Variants in DNM1L observed in about 807,000 individuals in gnomAD.
DNM1L encodes dynamin 1L.
DNM1L carries 33 observed loss-of-function variants against 92.8 expected under a neutral mutation model. The observed-to-expected ratio is 0.36, with a 90% CI of 0.27 to 0.48. DNM1L has a LOEUF of 0.48. Among genes scored for constraint, DNM1L ranks in the 20% least tolerant of loss-of-function variants. The pLI is 0.99. For synonymous variants in DNM1L, 284 were observed against 305.0 expected (o/e 0.93, Z 0.72); for missense variants, 485 against 888.8 (o/e 0.55, Z 5.78).
At chr12:32,711,770 A>G (rs1317801454) in intron 5 of DNM1L, among the ~76,000 whole-genome samples, 1 of 152,076 alleles carries the variant, frequency 6.6e-6, no homozygotes, top group Non-Finnish European at 1.5e-5. Context: ...TGGTGCACAC[A>G]TGTAGTCCCA....
At chr12:32,718,491 G>C in intron 6 of DNM1L, 152 bp from the exon 7 acceptor site, 1 of 945,142 alleles carries the variant, frequency 1.1e-6, no homozygotes, top group Non-Finnish European at 1.6e-6. Context: ...TTTTAAAAAA[G>C]CACTGGTAAG....
chr12:32,708,402 A>G lies in DNM1L; in HGVS notation c.369+178A>G, dbSNP rs192891668. 4.6e-5 allele frequency among the ~76,000 whole-genome samples: 7 copies of G among 152,352 alleles called. No individual in the cohort carries two copies. In the East Asian group the frequency reaches 1.3e-3, roughly 29 times the overall value. On this transcript the variant is annotated intron_variant, in intron 4 of 19. Coordinates refer to ENST00000549701, the MANE Select transcript of DNM1L (RefSeq NM_012062.5). Reference sequence around the variant, plus strand: ...TTTGAAACAAATGGAGTATTTTCACAGATATATAGAACTTTGCTTAAAATC... The same window carrying G: ...TTTGAAACAAATGGAGTATTTTCACGGATATATAGAACTTTGCTTAAAATC...
At chr12:32,684,612 GCGTGCTACCGCA>G (rs1347179109) in intron 1 of DNM1L, among the ~76,000 whole-genome samples, 1 of 152,082 alleles carries the variant, frequency 6.6e-6, no homozygotes, top group Non-Finnish European at 1.5e-5. Context: ...GATTACAGGC[GCGTGCTACCGCA>G]CCCAGCTAAT....
intron 14 of DNM1L, chr12:32,737,497 G>A: frequency 2.7e-6 from 1 of 375,746 alleles, no homozygotes; most frequent in Non-Finnish European, 4.9e-6. Flanking sequence ...AGGGTTTCTT[G>A]GAAAAAACAG....
At chr12:32,726,758 T>G (rs1388873183) in intron 9 of DNM1L, 9 of 616,932 alleles carry the variant, frequency 1.5e-5, no homozygotes, top group Non-Finnish European at 2.4e-5. Context: ...TGACATTCTT[T>G]CCTTTTTTCC....
intron 1 of DNM1L, among the ~76,000 whole-genome samples, chr12:32,682,645 A>T (rs529136238): frequency 6.6e-6 from 1 of 152,318 alleles, no homozygotes; most frequent in African/African-American, 2.4e-5. Flanking sequence ...GCATACTACC[A>T]TCCAGTACCA....
At chr12:32,711,746 T>C (rs1953133138) in intron 5 of DNM1L, among the ~76,000 whole-genome samples, 1 of 151,948 alleles carries the variant, frequency 6.6e-6, no homozygotes, top group Admixed American at 6.6e-5. Context: ...AATACAAAAA[T>C]TAGTCGGGCA....
At chr12:32,722,704 C>A in intron 9 of DNM1L, 71 bp downstream of exon 9, 1 of 1,152,726 alleles carries the variant, frequency 8.7e-7, no homozygotes, top group Non-Finnish European at 1.3e-6. Flanking sequence ...GTGAAGATGA[C>A]TTCAGCTCAG....
Position 32,731,814 on chromosome 12 carries a change from C to A in DNM1L, c.1357-40C>A, listed in dbSNP as rs1024115576. The stretch of plus-strand genomic sequence containing the variant: ...GTGAGACTATGACTTAAAAAAAAAA[C>A]AAAAAACAAACACGTTTTTCTTTCA... On this transcript the variant is annotated intron_variant, in intron 11 of 19. Transcript: ENST00000549701. This position sits in a 1 kb window ranked among gnomAD's most constrained non-coding sequence, Gnocchi z 5.1. 70 of 1,513,212 alleles carry A rather than the reference C, an allele frequency of 4.6e-5. No individual in the cohort carries two copies. The highest frequency in any genetic ancestry group is 5.8e-5 in the Non-Finnish European group (63 of 1,091,236). 93.7% of individuals were successfully genotyped at this position (1,513,212 alleles called of 1,614,324 possible). A position where few individuals can be genotyped will look rare whatever the true frequency, so the allele number is the denominator to read the frequency against.
chr12:32,715,715 G>C (rs1953333676), intron 6 of DNM1L, among the ~76,000 whole-genome samples: 1 of 151,158 alleles, frequency 6.6e-6, no homozygotes, highest in Non-Finnish European at 1.5e-5. Context: ...CTGGACAACA[G>C]AGTAGGACAG....
intron 5 of DNM1L, among the ~76,000 whole-genome samples, chr12:32,712,483 T>C (rs1777596246): frequency 6.6e-6 from 1 of 151,820 alleles, no homozygotes; most frequent in South Asian, 2.1e-4. Context: ...TTTAAAACAT[T>C]AAAATCATAA....
intron 9 of DNM1L, chr12:32,727,513 C>T: frequency 1.8e-6 from 1 of 565,750 alleles, no homozygotes; most frequent in Non-Finnish European, 3.1e-6. Context: ...AAAAAGAGAC[C>T]CTATCTCTGA....
intron 1 of DNM1L, among the ~76,000 whole-genome samples, chr12:32,691,837 C>T (rs563868787): frequency 1.3e-5 from 2 of 152,140 alleles, no homozygotes; most frequent in African/African-American, 4.8e-5. Context: ...ACAAAAGTTC[C>T]CCAGAGCTGA....
At chr12:32,740,264 G>A (rs1394997004) in intron 17 of DNM1L, 24 bp downstream of exon 17, 2 of 1,614,142 alleles carry the variant, frequency 1.2e-6, no homozygotes, top group South Asian at 1.1e-5. Context: ...ATTTGGTTTA[G>A]GTAATAAGGT....
intron 12 of DNM1L, chr12:32,732,408 G>T (rs1010047831): frequency 2.3e-6 from 1 of 426,004 alleles, no homozygotes; most frequent in Non-Finnish European, 4.7e-6. Context: ...TATTCTGTGG[G>T]TTGCTGCTAT....
intron 4 of DNM1L, among the ~76,000 whole-genome samples, chr12:32,709,909 A>G: frequency 6.6e-6 from 1 of 152,196 alleles, no homozygotes; most frequent in East Asian, 1.9e-4. Flanking sequence ...ATATAATTGT[A>G]TAGGGAATGT....
intron 3 of DNM1L, 21 bp from the exon 4 acceptor site, chr12:32,708,129 CTTT>C (rs1287595896): frequency 1.4e-6 from 2 of 1,448,880 alleles, no homozygotes; most frequent in East Asian, 2.3e-5. Context: ...GAATATTATG[CTTT>C]TTTATTTCAA....
intron 16 of DNM1L, among the ~76,000 whole-genome samples, chr12:32,739,375 G>T (rs1263706590): frequency 6.6e-6 from 1 of 152,092 alleles, no homozygotes; most frequent in Non-Finnish European, 1.5e-5. Flanking sequence ...AGAAAACAAG[G>T]TACAAAAGCA....
intron 5 of DNM1L, 46 bp from the exon 6 acceptor site, chr12:32,713,163 G>A: frequency 1.9e-6 from 3 of 1,607,518 alleles, no homozygotes; most frequent in African/African-American, 1.3e-5. Context: ...AAAAAGCTGA[G>A]TTGATTTTTA....
Sources: gnomAD v4.1 joint callset for allele counts (sites outside exome capture counted in the v4.1 genomes callset) on GRCh38, gnomAD v4.1.1 for gene constraint, Gnocchi (gnomAD v3.1) non-coding constraint, MANE v1.5 for transcripts, NCBI Gene and HGNC (gene_info 2026-07-23, HGNC 2026-07-21) for gene names.